Variants in ST6GALNAC5 observed in about 807,000 individuals in gnomAD.
ST6GALNAC5 encodes alpha-N-acetylgalactosaminide alpha-2,6-sialyltransferase 5.
A neutral mutation model predicts 33.6 loss-of-function variants in ST6GALNAC5; 27 were observed. The observed-to-expected ratio is 0.80, with a 90% CI of 0.59 to 1.11. The LOEUF (loss-of-function observed/expected upper bound fraction) is 1.11, where lower values mean the gene tolerates loss of function less well. Ranked by LOEUF, ST6GALNAC5 falls within the 50% of genes least tolerant of loss-of-function variation. The pLI is 0.00. For missense variants in ST6GALNAC5, 428 were observed against 454.0 expected (o/e 0.94, Z 0.52); for synonymous variants, 194 against 171.2 (o/e 1.13, Z -1.04).
Position 76,867,496 on chromosome 1 carries a change from C to T in ST6GALNAC5, c.-180C>T, listed in dbSNP as rs1653365129. 2 of 889,312 alleles carry T rather than the reference C, an allele frequency of 2.2e-6. No homozygotes were observed. Among genetic ancestry groups the T allele is most frequent in the African/African-American group, 1.7e-5 (1 of 60,014 alleles). 55.1% of individuals were successfully genotyped at this position (889,312 alleles called of 1,614,324 possible). A position where few individuals can be genotyped will look rare whatever the true frequency, so the allele number is the denominator to read the frequency against. ...GTCCGGTTCAGTTTTAATTCTGTCTCTAATCTCTGCAACAGCCGCGCTTCC... is the reference window on the plus strand; with the variant it reads ...GTCCGGTTCAGTTTTAATTCTGTCTTTAATCTCTGCAACAGCCGCGCTTCC... On this transcript the variant is annotated 5_prime_UTR_variant, in exon 1 of 5. Transcript: ENST00000477717.
chr1:76,976,122 T>C (rs1416426695), intron 2 of ST6GALNAC5, among the ~76,000 whole-genome samples: 1 of 151,836 alleles, frequency 6.6e-6, no homozygotes, highest in Non-Finnish European at 1.5e-5. Context: ...AATAAAAAAA[T>C]TAAAGAAGAA....
At chr1:77,033,608 A>G (rs1209123119) in intron 2 of ST6GALNAC5, among the ~76,000 whole-genome samples, 1 of 152,060 alleles carries the variant, frequency 6.6e-6, no homozygotes, top group Non-Finnish European at 1.5e-5. Context: ...GTGGGGTAAC[A>G]TCGTTGTTAT....
At chr1:77,002,569 T>A (rs961016515) in intron 2 of ST6GALNAC5, among the ~76,000 whole-genome samples, 2 of 149,972 alleles carry the variant, frequency 1.3e-5, no homozygotes, top group Non-Finnish European at 3.0e-5. Context: ...TCTAGTTCTT[T>A]TAATTGTGAT....
chr1:76,922,369 A>G (rs1173612563), intron 2 of ST6GALNAC5, among the ~76,000 whole-genome samples: 2 of 152,216 alleles, frequency 1.3e-5, no homozygotes, highest in African/African-American at 4.8e-5. Flanking sequence ...AGATCTGAAT[A>G]AATGGGGAGA....
rs553756378 is a variant in ST6GALNAC5 at position 77,030,862 on chromosome 1, G to T, written c.262-13342G>T. 4.0e-4 allele frequency among the ~76,000 whole-genome samples: 61 copies of T among 152,234 alleles called. No individual in the cohort carries two copies. In the South Asian group the frequency reaches 0.012, roughly 30 times the overall value. On this transcript the variant is annotated intron_variant, in intron 2 of 4. Transcript: ENST00000477717. ...CTCCCAGCCTTCTTGAAGGAGCAGGGGGCCTCCATCTCTTCTTGCCAGGAA... is the reference window on the plus strand; with the variant it reads ...CTCCCAGCCTTCTTGAAGGAGCAGGTGGCCTCCATCTCTTCTTGCCAGGAA...
At chr1:76,953,138 C>T (rs568686942) in intron 2 of ST6GALNAC5, among the ~76,000 whole-genome samples, 1 of 152,192 alleles carries the variant, frequency 6.6e-6, no homozygotes, top group South Asian at 2.1e-4. Flanking sequence ...ATAGAGCTGC[C>T]ATAGACATTT....
intron 2 of ST6GALNAC5, among the ~76,000 whole-genome samples, chr1:76,998,346 T>C (rs909069974): frequency 6.6e-6 from 1 of 152,070 alleles, no homozygotes; most frequent in Non-Finnish European, 1.5e-5. Flanking sequence ...CAGTGAGCTA[T>C]GATTGTGCCA....
intron 2 of ST6GALNAC5, among the ~76,000 whole-genome samples, chr1:76,901,108 T>C (rs1472069079): frequency 6.6e-6 from 1 of 152,232 alleles, no homozygotes; most frequent in Non-Finnish European, 1.5e-5. Context: ...GTGTTTGTGG[T>C]ACATTAATTC....
At chr1:77,059,066 T>C (rs771656315) in intron 4 of ST6GALNAC5, among the ~76,000 whole-genome samples, 1 of 152,266 alleles carries the variant, frequency 6.6e-6, no homozygotes. Context: ...TTTAAAAATA[T>C]GTTTATTTTT....
intron 2 of ST6GALNAC5, among the ~76,000 whole-genome samples, chr1:76,961,693 T>C (rs956686870): frequency 1.3e-5 from 2 of 152,206 alleles, no homozygotes; most frequent in African/African-American, 4.8e-5. Flanking sequence ...TTTTCCTTAG[T>C]TAATGCTTGG....
chr1:76,975,791 C>T (rs997197354), intron 2 of ST6GALNAC5, among the ~76,000 whole-genome samples: 1 of 151,948 alleles, frequency 6.6e-6, no homozygotes, highest in East Asian at 1.9e-4. Flanking sequence ...TATTAGTTAC[C>T]TTTAAAAAAC....
chr1:77,008,608 C>T (rs1056644380), intron 2 of ST6GALNAC5, among the ~76,000 whole-genome samples: 1 of 152,150 alleles, frequency 6.6e-6, no homozygotes, highest in African/African-American at 2.4e-5. Flanking sequence ...CGGCTCACTG[C>T]AGCCTCTGCC....
intron 2 of ST6GALNAC5, among the ~76,000 whole-genome samples, chr1:76,922,595 T>A (rs150503304): frequency 1.0e-3 from 154 of 152,266 alleles, no homozygotes; most frequent in African/African-American, 3.4e-3. Flanking sequence ...GATATAGCTA[T>A]GGTTATCAAG....
At chr1:77,012,309 A>C (rs1650663887) in intron 2 of ST6GALNAC5, among the ~76,000 whole-genome samples, 1 of 152,192 alleles carries the variant, frequency 6.6e-6, no homozygotes, top group Non-Finnish European at 1.5e-5. Flanking sequence ...CAATAGAAAA[A>C]TAGACTTTGC....
intron 2 of ST6GALNAC5, among the ~76,000 whole-genome samples, chr1:77,043,601 A>G (rs1409055525): frequency 6.6e-6 from 1 of 152,232 alleles, no homozygotes; most frequent in Admixed American, 6.5e-5. Context: ...AGGGGTTACA[A>G]TCAGCATGTC....
intron 2 of ST6GALNAC5, among the ~76,000 whole-genome samples, chr1:76,922,755 A>G (rs1036739657): frequency 1.3e-5 from 2 of 152,012 alleles, no homozygotes; most frequent in African/African-American, 4.8e-5. Context: ...CCTGGGCAAC[A>G]TGGCAAAAAG....
chr1:77,014,114 T>C (rs1383533707), intron 2 of ST6GALNAC5, among the ~76,000 whole-genome samples: 1 of 152,212 alleles, frequency 6.6e-6, no homozygotes, highest in African/African-American at 2.4e-5. Context: ...CCTTCTGAGA[T>C]GGAAGGGGAA....
At chr1:76,891,658 C>T (rs1011528521) in intron 2 of ST6GALNAC5, among the ~76,000 whole-genome samples, 1 of 151,908 alleles carries the variant, frequency 6.6e-6, no homozygotes, top group Admixed American at 6.6e-5. Context: ...GTCATCTAAT[C>T]CAAGATCATG....
chr1:76,891,760 A>G (rs893215460), intron 2 of ST6GALNAC5, among the ~76,000 whole-genome samples: 1 of 152,186 alleles, frequency 6.6e-6, no homozygotes, highest in Non-Finnish European at 1.5e-5. Context: ...TGTATACATG[A>G]TGTGACAGAG....
Sources: allele counts gnomAD v4.1 joint callset (sites outside exome capture counted in the v4.1 genomes callset), GRCh38; gene constraint gnomAD v4.1.1; transcripts MANE v1.5; gene names NCBI Gene and HGNC (gene_info 2026-07-23, HGNC 2026-07-21).